The following CEP83 variants were observed in gnomAD, a reference collection of about 807,000 sequenced individuals.
CEP83 encodes centrosomal protein 83.
A neutral mutation model predicts 101.9 loss-of-function variants in CEP83; 70 were observed. The observed-to-expected ratio is 0.69, with a 90% confidence interval of 0.57 to 0.84. The LOEUF is 0.84. Ranked by LOEUF, CEP83 falls within the 40% of genes least tolerant of loss-of-function variation. The probability of loss-of-function intolerance (pLI) is 0.00; values close to 1 mark genes in which losing one functional copy is unlikely to be tolerated. For missense variants in CEP83, 715 were observed against 787.2 expected (o/e 0.91, Z 1.10); for synonymous variants, 264 against 267.9 (o/e 0.99, Z 0.14).
chr12:94,311,374 A>C (rs1270482616), intron 15 of CEP83, among the ~76,000 whole-genome samples: 1 of 152,178 alleles, frequency 6.6e-6, no homozygotes, highest in African/African-American at 2.4e-5. Flanking sequence ...AATTAACTGA[A>C]CATGATGAGC....
intron 11 of CEP83, among the ~76,000 whole-genome samples, chr12:94,348,972 G>A (rs1160851637): frequency 9.1e-6 from 1 of 109,534 alleles, no homozygotes; most frequent in Non-Finnish European, 1.9e-5. Context: ...CAACGAGCAG[G>A]ATGCAGAAAA....
intron 14 of CEP83, 38 bp downstream of exon 14, chr12:94,331,662 A>G (rs2059230825): frequency 1.2e-6 from 2 of 1,605,900 alleles, no homozygotes; most frequent in East Asian, 2.2e-5. Context: ...GTGAGCCACC[A>G]TGCCTGGCCA....
Position 94,331,336 on chromosome 12 carries a change from C to T in CEP83, c.1707+364G>A, listed in dbSNP as rs541058119. On this transcript the variant is annotated intron_variant, in intron 14 of 16. Transcript: ENST00000397809. ...AAAAAAGATTTAATTATATTTTACTCCATAGAAATCACCTTTTTTCCTTTT... is the reference window on the plus strand; with the variant it reads ...AAAAAAGATTTAATTATATTTTACTTCATAGAAATCACCTTTTTTCCTTTT... Among the ~76,000 whole-genome samples, 18 of 137,696 alleles carry T rather than the reference C, an allele frequency of 1.3e-4. 1 individual carries two copies. The East Asian group carries it at 3.3e-3, about 25-fold the overall frequency. 90.3% of individuals were successfully genotyped at this position (137,696 alleles called of 152,430 possible).
intron 1 of CEP83, among the ~76,000 whole-genome samples, chr12:94,450,676 A>G (rs779942512): frequency 2.6e-5 from 4 of 152,250 alleles, no homozygotes; most frequent in African/African-American, 4.8e-5. Context: ...CGATTTGTAC[A>G]CTGAAAAGTA....
chr12:94,387,138 C>G (rs2062195052), intron 6 of CEP83, among the ~76,000 whole-genome samples: 1 of 152,198 alleles, frequency 6.6e-6, no homozygotes, highest in African/African-American at 2.4e-5. Context: ...CCATTCTGGA[C>G]ATTAGCCTTG....
intron 1 of CEP83, among the ~76,000 whole-genome samples, chr12:94,450,118 A>G (rs1034260836): frequency 2.0e-5 from 3 of 152,208 alleles, no homozygotes; most frequent in Admixed American, 6.5e-5. Context: ...CACATTCAAC[A>G]CTTCTCTTCA....
At chr12:94,337,592 T>G (rs994978001) in intron 11 of CEP83, among the ~76,000 whole-genome samples, 3 of 152,186 alleles carry the variant, frequency 2.0e-5, no homozygotes, top group African/African-American at 7.2e-5. Context: ...TTTTGAATAC[T>G]CAAGGTGTGT....
intron 14 of CEP83, among the ~76,000 whole-genome samples, chr12:94,325,935 A>C (rs2058956429): frequency 6.6e-6 from 1 of 152,056 alleles, no homozygotes. Flanking sequence ...AAGTGATAGG[A>C]GTGGTTTTTG....
chr12:94,270,377 G>A, the CEP83 span, among the ~76,000 whole-genome samples: 5 of 152,206 alleles, frequency 3.3e-5, no homozygotes, highest in African/African-American at 1.2e-4. Context: ...TGAGTTTTAA[G>A]TCTTAAATAC....
chr12:94,297,514 A>C, the CEP83 span: 1 of 885,576 alleles, frequency 1.1e-6, no homozygotes, highest in Non-Finnish European at 1.8e-6. Flanking sequence ...AAAATGTTAC[A>C]AATCCCTTGT....
At chr12:94,290,161 G>A in the CEP83 span, among the ~76,000 whole-genome samples, 9 of 152,198 alleles carry the variant, frequency 5.9e-5, no homozygotes, top group Non-Finnish European at 8.8e-5. Context: ...TTCATTCTTT[G>A]ACAATTACCC....
intron 4 of CEP83, among the ~76,000 whole-genome samples, chr12:94,410,462 T>C (rs2063809858): frequency 6.6e-6 from 1 of 152,198 alleles, no homozygotes; most frequent in East Asian, 1.9e-4. Flanking sequence ...ATCCTTTTTA[T>C]CTTTAGTGAT....
chr12:94,333,045 C>CAAAAAAAAAAAAA (rs34900007), intron 13 of CEP83, among the ~76,000 whole-genome samples: 2 of 73,156 alleles, frequency 2.7e-5, no homozygotes, highest in African/African-American at 6.5e-5. Context: ...ATTTTAAGAC[C>CAAAAAAAAAAAAA]AAAAAAAAAA....
chr12:94,433,875 T>C (rs1442014599), intron 2 of CEP83: 1 of 152,182 alleles, frequency 6.6e-6, no homozygotes, highest in African/African-American at 2.4e-5. Flanking sequence ...AGAAAGGTTG[T>C]TTCAAAGATT....
chr12:94,400,854 G>C lies in CEP83; in HGVS notation c.545C>G (p.Ser182Ter). The change falls in exon 6 of 17, where the codon TCA becomes TGA. Residue 182 changes from serine (S) to a stop codon, truncating the protein, a stop_gained. Transcript: ENST00000397809. LOFTEE classifies it high-confidence loss of function. ...CTCGTATAATCAATCACTTACCTCT[G>C]ATTCATATTTTATTTTTCCTTCATC... ...ILDEGKIKYE[S>*]EIARLEEDKE... The C allele has an allele frequency of 6.8e-7, 1 of 1,462,584 alleles. No individual in the cohort carries two copies. The highest frequency in any genetic ancestry group is 9.1e-7 in the Non-Finnish European group (1 of 1,101,854). 90.6% of individuals were successfully genotyped at this position (1,462,584 alleles called of 1,614,324 possible).
intron 14 of CEP83, among the ~76,000 whole-genome samples, chr12:94,316,302 A>G (rs1970673573): frequency 6.6e-6 from 1 of 152,152 alleles, no homozygotes; most frequent in Non-Finnish European, 1.5e-5. Context: ...AAGAAAAATA[A>G]CTAGTATTTG....
chr12:94,423,925 G>A (rs2064983980), intron 2 of CEP83: 1 of 1,611,076 alleles, frequency 6.2e-7, no homozygotes, highest in Non-Finnish European at 8.5e-7. Context: ...TGCTGCTGAG[G>A]CAGAGATGGC....
intron 11 of CEP83, chr12:94,335,950 G>T: frequency 3.6e-6 from 1 of 277,662 alleles, no homozygotes. Context: ...CTGACAGGTA[G>T]GATTTTGATA....
chr12:94,364,386 T>C (rs1046674959), intron 11 of CEP83, among the ~76,000 whole-genome samples: 2 of 152,108 alleles, frequency 1.3e-5, no homozygotes, highest in Non-Finnish European at 2.9e-5. Context: ...AAAACAAACA[T>C]ATAATTATAG....
Sources: gnomAD v4.1 joint callset for allele counts (sites outside exome capture counted in the v4.1 genomes callset) on GRCh38, gnomAD v4.1.1 for gene constraint, MANE v1.5 for transcripts, NCBI Gene and HGNC (gene_info 2026-07-23, HGNC 2026-07-21) for gene names.